The following SHROOM3 variants were observed in gnomAD, a reference collection of about 807,000 sequenced individuals.
SHROOM3 encodes the protein protein Shroom3.
In SHROOM3, 47 loss-of-function variants were observed where a neutral mutation model predicts 138.6. That is an observed-to-expected ratio of 0.34 (90% CI 0.27 to 0.43). SHROOM3 has a LOEUF of 0.43. Among genes scored for constraint, SHROOM3 ranks in the 20% least tolerant of loss-of-function variants. SHROOM3 has a pLI of 1.00. For missense variants in SHROOM3, 2,491 were observed against 2,596.5 expected (o/e 0.96, Z 0.88); for synonymous variants, 1,062 against 1,063.3 (o/e 1.00, Z 0.02).
chr4:76,501,776 A>G (rs751243797), intron 1 of SHROOM3, among the ~76,000 whole-genome samples: 12 of 152,190 alleles, frequency 7.9e-5, no homozygotes, highest in Non-Finnish European at 1.2e-4. Flanking sequence ...ACACATCTGC[A>G]TGCCAGCAGG....
intron 2 of SHROOM3, among the ~76,000 whole-genome samples, chr4:76,635,324 T>C (rs1383167411): frequency 1.3e-5 from 2 of 152,230 alleles, no homozygotes; most frequent in Admixed American, 6.5e-5. Flanking sequence ...AATCCTCCTT[T>C]TGGTGAGAGA....
intron 1 of SHROOM3, among the ~76,000 whole-genome samples, chr4:76,443,966 C>T (rs916880237): frequency 9.9e-5 from 15 of 152,084 alleles, no homozygotes; most frequent in African/African-American, 3.6e-4. Flanking sequence ...TTCATTCTGT[C>T]ACCTAGGCTA....
Position 76,740,806 on chromosome 4 carries a change from C to G in SHROOM3, c.2633C>G (p.Pro878Arg), listed in dbSNP as rs762287204. ...GGAGCGTCGGACAGCGGCCGTGGCCCCCAGAGGCCGGACGCTCGGCTCCTC... is the reference window on the plus strand; with the variant it reads ...GGAGCGTCGGACAGCGGCCGTGGCCGCCAGAGGCCGGACGCTCGGCTCCTC... ...SGGASDSGRG[P>R]QRPDARLLRS... Residue 878 changes from proline to arginine, a missense_variant, in exon 5 of 11, where the codon CCC (proline) becomes CGC (arginine). Transcript: ENST00000296043. The surrounding 1 kb of genome is among the most constrained non-coding windows in gnomAD (Gnocchi z 4.0). 2.5e-6 allele frequency: 4 copies of G among 1,608,560 alleles called. No homozygotes were observed. The highest frequency in any genetic ancestry group is 3.4e-6 in the Non-Finnish European group (4 of 1,177,668).
At chr4:76,749,240 AG>A in intron 6 of SHROOM3, 150 bp downstream of exon 6, 1 of 627,758 alleles carries the variant, frequency 1.6e-6, no homozygotes, top group Non-Finnish European at 2.7e-6. Flanking sequence ...TTTTTTTTTT[AG>A]TTTTATTATT....
At chr4:76,570,195 A>T (rs1478756668) in intron 2 of SHROOM3, among the ~76,000 whole-genome samples, 1 of 151,834 alleles carries the variant, frequency 6.6e-6, no homozygotes, top group African/African-American at 2.4e-5. Flanking sequence ...GCACACCAGT[A>T]CTTCTCAGCC....
At chr4:76,448,511 G>A (rs1730859536) in intron 1 of SHROOM3, among the ~76,000 whole-genome samples, 1 of 152,122 alleles carries the variant, frequency 6.6e-6, no homozygotes, top group Non-Finnish European at 1.5e-5. Context: ...GAGTTGGTAC[G>A]TAAGCAGCTT....
chr4:76,739,912 G>A lies in SHROOM3; in HGVS notation c.1739G>A (p.Gly580Asp). ...SLKRHLTPPQ[G>D]NSPHSNERKS... The stretch of plus-strand genomic sequence containing the variant: ...AAGAGACATCTCACACCTCCCCAAG[G>A]CAACAGCCCACATTCCAATGAGAGA... The change falls in exon 5 of 11, where the codon GGC (glycine) becomes GAC (aspartate). Residue 580 changes from glycine to aspartate, a missense_variant. Coordinates refer to ENST00000296043, the MANE Select transcript of SHROOM3 (RefSeq NM_020859.4). 1.9e-6 allele frequency: 3 copies of A among 1,614,176 alleles called. No homozygotes were observed. Among genetic ancestry groups the A allele is most frequent in the Non-Finnish European group, 8.5e-7 (1 of 1,180,040 alleles).
intron 1 of SHROOM3, among the ~76,000 whole-genome samples, chr4:76,450,154 A>G (rs1473617442): frequency 6.6e-6 from 1 of 152,234 alleles, no homozygotes; most frequent in African/African-American, 2.4e-5. Flanking sequence ...AGCACAGAAG[A>G]AAATCATCTC....
At chr4:76,505,074 GAA>G (rs1732183041) in intron 1 of SHROOM3, among the ~76,000 whole-genome samples, 1 of 152,198 alleles carries the variant, frequency 6.6e-6, no homozygotes, top group African/African-American at 2.4e-5. Context: ...GGACATGAGA[GAA>G]TGTACAAAGA....
chr4:76,774,217 G>A (rs933966106), intron 10 of SHROOM3, among the ~76,000 whole-genome samples: 17 of 152,172 alleles, frequency 1.1e-4, no homozygotes, highest in African/African-American at 4.1e-4. Flanking sequence ...AAAGACTGGA[G>A]CAGTTTCTAG....
At chr4:76,658,083 G>A (rs1457674876) in intron 2 of SHROOM3, among the ~76,000 whole-genome samples, 1 of 152,204 alleles carries the variant, frequency 6.6e-6, no homozygotes, top group Non-Finnish European at 1.5e-5. Flanking sequence ...TTACCAAAGT[G>A]CTCTTCCATG....
chr4:76,706,991 A>G (rs9991757), intron 2 of SHROOM3, among the ~76,000 whole-genome samples: 64,133 of 152,086 alleles, frequency 0.42, 14,895 homozygotes, highest in African/African-American at 0.61. Context: ...TTAGGGATCT[A>G]GAAGTAGCCC....
In SHROOM3 at chr4:76,525,324, C is replaced by T. The variant is rs143668383; in HGVS notation, c.169-30285C>T. 5.1e-4 allele frequency among the ~76,000 whole-genome samples: 77 copies of T among 152,250 alleles called. No individual in the cohort carries two copies. In the East Asian group the frequency reaches 0.013, roughly 27 times the overall value. On this transcript the variant is annotated intron_variant, in intron 1 of 10. Transcript: ENST00000296043. The stretch of plus-strand genomic sequence containing the variant: ...AGACACTTATAAAACCATCAGATCT[C>T]GTGAGACTCACTCACTGTCATGAGA...
At chr4:76,521,319 CAT>C (rs568900801) in intron 1 of SHROOM3, among the ~76,000 whole-genome samples, 235 of 152,142 alleles carry the variant, frequency 1.5e-3, no homozygotes, top group African/African-American at 5.0e-3. Flanking sequence ...TGTGTGCACA[CAT>C]GTGTGTTGAA....
chr4:76,637,938 A>T (rs866029798), intron 2 of SHROOM3, among the ~76,000 whole-genome samples: 7 of 152,238 alleles, frequency 4.6e-5, no homozygotes, highest in Middle Eastern at 6.8e-3. Flanking sequence ...TAATGACTCA[A>T]TTCGTGTGCT....
chr4:76,442,446 G>A (rs144404213), intron 1 of SHROOM3, among the ~76,000 whole-genome samples: 7 of 127,884 alleles, frequency 5.5e-5, no homozygotes, highest in African/African-American at 2.1e-4. Flanking sequence ...GTCTTGCTCT[G>A]TCGCCCAGGC....
intron 1 of SHROOM3, among the ~76,000 whole-genome samples, chr4:76,462,115 A>G (rs1398121806): frequency 1.3e-5 from 2 of 152,162 alleles, no homozygotes; most frequent in African/African-American, 4.8e-5. Context: ...TTGGCTGGGC[A>G]CAGTGGCTCA....
At chr4:76,527,488 T>G (rs1489847982) in intron 1 of SHROOM3, among the ~76,000 whole-genome samples, 1 of 152,040 alleles carries the variant, frequency 6.6e-6, no homozygotes, top group Non-Finnish European at 1.5e-5. Context: ...GAGGCTGAGG[T>G]GGGAGAATTG....
intron 4 of SHROOM3, among the ~76,000 whole-genome samples, chr4:76,738,185 T>C (rs1181562429): frequency 6.6e-6 from 1 of 152,202 alleles, no homozygotes; most frequent in East Asian, 1.9e-4. Flanking sequence ...CTCATTCAGC[T>C]TTGTGTTTAG....
Sources: allele counts gnomAD v4.1 joint callset (sites outside exome capture counted in the v4.1 genomes callset), GRCh38; gene constraint gnomAD v4.1.1; non-coding constraint Gnocchi (gnomAD v3.1); transcripts MANE v1.5; gene names NCBI Gene and HGNC (gene_info 2026-07-23, HGNC 2026-07-21).